Variants in VPS53 observed in about 807,000 individuals in gnomAD.
VPS53 encodes VPS53 subunit of GARP complex, also known as vacuolar protein sorting-associated protein 53 homolog.
VPS53 carries 70 observed loss-of-function variants against 107.0 expected under a neutral mutation model. That is an observed-to-expected ratio of 0.65 (90% CI 0.54 to 0.80). The LOEUF (loss-of-function observed/expected upper bound fraction) is 0.80. VPS53 is among the 30% of genes least tolerant of loss of function. VPS53 has a pLI of 0.00. For missense variants in VPS53, 917 were observed against 1,049.4 expected, an observed-to-expected ratio of 0.87 and a Z score of 1.74; for synonymous variants, 409 against 393.3, an observed-to-expected ratio of 1.04 and a Z score of -0.47.
At chr17:658,070 A>T (rs7225757) in intron 5 of VPS53, among the ~76,000 whole-genome samples, 2 of 24,136 alleles carry the variant, frequency 8.3e-5, no homozygotes, top group Non-Finnish European at 7.8e-5. Flanking sequence ...TCGTGGATAG[A>T]TACATCCCAC....
intron 13 of VPS53, among the ~76,000 whole-genome samples, chr17:581,009 C>T (rs1212454259): frequency 6.6e-6 from 1 of 151,954 alleles, no homozygotes; most frequent in Admixed American, 6.6e-5. Flanking sequence ...TAATGCATTC[C>T]CAGAGACCTT....
intron 2 of VPS53, 104 bp downstream of exon 2, chr17:710,429 T>C (rs1348301010): frequency 2.4e-6 from 2 of 845,386 alleles, no homozygotes; most frequent in Admixed American, 2.1e-5. Flanking sequence ...TAACTCTCCC[T>C]TGTGTATCAA....
At chr17:586,159 G>C in intron 13 of VPS53, 111 bp downstream of exon 13, 1 of 897,368 alleles carries the variant, frequency 1.1e-6, no homozygotes, top group Admixed American at 2.0e-5. Flanking sequence ...AGGGTCACAG[G>C]CATGCCACAA....
chr17:667,660 G>A (rs1001688799), intron 4 of VPS53, among the ~76,000 whole-genome samples: 1 of 139,182 alleles, frequency 7.2e-6, no homozygotes. Flanking sequence ...TGTTCTGGGG[G>A]GGGGGGCAAT....
rs1567715442 is a variant in VPS53, at chr17:658,217, A to AC, written c.373-2265_373-2264insG. Among the ~76,000 whole-genome samples, 14 of 82,488 alleles carry AC rather than the reference A, an allele frequency of 1.7e-4. 1 individual carries two copies. In the East Asian group the frequency reaches 1.9e-3, roughly 11 times the overall value. 54.1% of individuals were successfully genotyped at this position (82,488 alleles called of 152,430 possible). The stretch of plus-strand genomic sequence containing the variant: ...GGGAGTTCGTGGATAGATACATCCC[A>AC]TTGAAGTGAGACACTCGGCCGTGAG... On this transcript the variant is annotated intron_variant, in intron 5 of 21. Transcript: ENST00000437048.
chr17:673,122 C>A (rs2543779), intron 4 of VPS53, among the ~76,000 whole-genome samples: 56,863 of 143,008 alleles, frequency 0.4, 13,030 homozygotes, highest in Non-Finnish European at 0.52. Flanking sequence ...AAAAAAAAAA[C>A]AAAAACAAAA....
chr17:608,423 CA>C (rs1039971642), intron 11 of VPS53, among the ~76,000 whole-genome samples: 1 of 152,014 alleles, frequency 6.6e-6, no homozygotes, highest in African/African-American at 2.4e-5. Flanking sequence ...GTAAACAAAA[CA>C]AAAAGCCTGC....
rs974669882 is a variant in VPS53, at chr17:510,967, T to G, written c.*8161A>C. 1.3e-5 allele frequency: 2 copies of G among 152,310 alleles called. No individual in the cohort carries two copies. Among genetic ancestry groups the G allele is most frequent in the Admixed American group, 6.6e-5 (1 of 15,264 alleles). The allele number at this position is 152,310 out of a possible 1,614,324, so 9.4% of individuals were successfully genotyped here. A position where few individuals can be genotyped will look rare whatever the true frequency, so the allele number is the denominator to read the frequency against. On this transcript the variant is annotated 3_prime_UTR_variant, in exon 22 of 22. Transcript: ENST00000437048. ...ATGTTTCTTTGTATAGCATTTGATA[T>G]TCGGTGTGGGTATGAGGTTGTGGGG...
At chr17:549,839 C>T (rs920207477) in intron 17 of VPS53, among the ~76,000 whole-genome samples, 2 of 152,338 alleles carry the variant, frequency 1.3e-5, no homozygotes, top group East Asian at 3.9e-4. Context: ...TACCCATCAG[C>T]ACCGGACTGC....
chr17:655,729 G>A, intron 6 of VPS53, 109 bp downstream of exon 6: 1 of 1,013,500 alleles, frequency 9.9e-7, no homozygotes. Flanking sequence ...GCAGAAAGTG[G>A]GGCAGGATGG....
intron 13 of VPS53, among the ~76,000 whole-genome samples, chr17:584,051 C>T (rs1967190609): frequency 6.6e-6 from 1 of 152,208 alleles, no homozygotes; most frequent in African/African-American, 2.4e-5. Flanking sequence ...CCAAGAAGCT[C>T]CCTCAGAACC....
At chr17:648,606 T>C (rs1043766199) in intron 7 of VPS53, among the ~76,000 whole-genome samples, 8 of 152,228 alleles carry the variant, frequency 5.3e-5, no homozygotes, top group African/African-American at 1.9e-4. Context: ...ACTAAACATT[T>C]GAGAAATGCT....
chr17:665,043 A>G (rs1403394903), intron 4 of VPS53, among the ~76,000 whole-genome samples: 1 of 152,152 alleles, frequency 6.6e-6, no homozygotes, highest in Non-Finnish European at 1.5e-5. Flanking sequence ...ATGCATCCCC[A>G]AAGTTCATGT....
chr17:543,813 AAGGGAGGG>A (rs1172563287), intron 17 of VPS53, among the ~76,000 whole-genome samples: 21 of 42,356 alleles, frequency 5.0e-4, no homozygotes, highest in Admixed American at 7.2e-4. Context: ...GGAAGGAAGG[AAGGGAGGG>A]AGGGAGGGAG....
At chr17:532,692 TAAG>T in intron 19 of VPS53, 147 bp downstream of exon 19, 1 of 1,418,190 alleles carries the variant, frequency 7.1e-7, no homozygotes, top group Non-Finnish European at 9.3e-7. Context: ...AAGAACGAAT[TAAG>T]AAACCTTCCG....
chr17:661,915 T>C lies in VPS53; in HGVS notation c.286-20A>G, dbSNP rs1043571257. 43 of 1,545,118 alleles carry C rather than the reference T, an allele frequency of 2.8e-5. No homozygotes were observed. Among genetic ancestry groups the C allele is most frequent in the Non-Finnish European group, 3.6e-5 (41 of 1,143,806 alleles). On this transcript the variant is annotated intron_variant, in intron 4 of 21. Transcript: ENST00000437048. ...AAGCGCCTAGAGTAAGGGAAATACA[T>C]GAAAAACAAAAAGTGGCTAGAGACA...
At chr17:598,463 T>C (rs1968105244) in intron 12 of VPS53, among the ~76,000 whole-genome samples, 1 of 149,090 alleles carries the variant, frequency 6.7e-6, no homozygotes, top group Non-Finnish European at 1.5e-5. Flanking sequence ...GGCTGCCCAG[T>C]CTGGAAAGTG....
At chr17:616,995 C>T (rs902329222) in intron 11 of VPS53, among the ~76,000 whole-genome samples, 2 of 152,190 alleles carry the variant, frequency 1.3e-5, no homozygotes, top group Non-Finnish European at 2.9e-5. Flanking sequence ...GGAAGTAGGG[C>T]CCAGCCAGAG....
At chr17:624,795 C>A (rs1258283083) in intron 10 of VPS53, among the ~76,000 whole-genome samples, 1 of 152,204 alleles carries the variant, frequency 6.6e-6, no homozygotes, top group East Asian at 1.9e-4. Context: ...AAGGAATTCA[C>A]TCTTTATTTT....
Sources: allele counts gnomAD v4.1 joint callset (sites outside exome capture counted in the v4.1 genomes callset), GRCh38; gene constraint gnomAD v4.1.1; transcripts MANE v1.5; gene names NCBI Gene and HGNC (gene_info 2026-07-23, HGNC 2026-07-21).